Variants in ULK4 observed in about 807,000 individuals in gnomAD.
ULK4 encodes the protein inactive serine/threonine-protein kinase ULK4.
In ULK4, 133 loss-of-function variants were observed where a neutral mutation model predicts 160.6. The observed-to-expected ratio is 0.83, with a 90% CI of 0.72 to 0.96. The LOEUF is 0.96. ULK4 is among the 40% of genes least tolerant of loss of function. The pLI, the probability that ULK4 is intolerant of heterozygous loss-of-function variation, is 0.00. For missense variants in ULK4, 1,580 were observed against 1,499.5 expected, an observed-to-expected ratio of 1.05 and a Z score of -0.89; for synonymous variants, 534 against 539.8, an observed-to-expected ratio of 0.99 and a Z score of 0.15.
intron 31 of ULK4, among the ~76,000 whole-genome samples, chr3:41,571,481 G>A (rs1033179985): frequency 1.3e-5 from 2 of 152,092 alleles, no homozygotes; most frequent in African/African-American, 4.8e-5. Flanking sequence ...AGCTTACGGG[G>A]GTAAACTGTG....
intron 35 of ULK4, among the ~76,000 whole-genome samples, chr3:41,380,215 C>G (rs967378681): frequency 1.7e-4 from 26 of 151,908 alleles, no homozygotes; most frequent in African/African-American, 5.6e-4. Context: ...AAAAGACAGG[C>G]AATTCAAAAG....
chr3:41,481,465 A>G (rs1459573837), intron 32 of ULK4, among the ~76,000 whole-genome samples: 1 of 152,176 alleles, frequency 6.6e-6, no homozygotes, highest in Non-Finnish European at 1.5e-5. Flanking sequence ...AGTTAAAGGA[A>G]CAGATTAATA....
intron 22 of ULK4, among the ~76,000 whole-genome samples, chr3:41,720,878 A>G (rs2037427240): frequency 6.6e-6 from 1 of 152,172 alleles, no homozygotes; most frequent in Non-Finnish European, 1.5e-5. Flanking sequence ...GGAACAAAGT[A>G]TTCAATAGAT....
chr3:41,369,793 C>CAAAAAAA (rs555783980), intron 35 of ULK4, among the ~76,000 whole-genome samples: 1 of 98,008 alleles, frequency 1.0e-5, no homozygotes, highest in African/African-American at 3.6e-5. Context: ...GACTATGTCT[C>CAAAAAAA]AAAAAAAAAA....
intron 32 of ULK4, among the ~76,000 whole-genome samples, chr3:41,491,509 G>C (rs1041027788): frequency 8.6e-5 from 13 of 151,756 alleles, no homozygotes; most frequent in Admixed American, 5.3e-4. Flanking sequence ...ATAGAAATTA[G>C]GTACAAAAAT....
At chr3:41,534,257 T>C (rs1348174094) in intron 32 of ULK4, among the ~76,000 whole-genome samples, 1 of 152,098 alleles carries the variant, frequency 6.6e-6, no homozygotes, top group Non-Finnish European at 1.5e-5. Flanking sequence ...TGGAGACAAA[T>C]ATAACTTCTT....
intron 1 of ULK4, among the ~76,000 whole-genome samples, chr3:41,957,274 C>T (rs1237881295): frequency 6.6e-6 from 1 of 150,520 alleles, no homozygotes; most frequent in Non-Finnish European, 1.5e-5. Context: ...ACCAACATGG[C>T]AAAATCCTAT....
intron 31 of ULK4, among the ~76,000 whole-genome samples, chr3:41,598,446 G>A (rs1019732365): frequency 1.3e-5 from 2 of 152,140 alleles, no homozygotes; most frequent in Admixed American, 6.5e-5. Context: ...CAGAGCATGC[G>A]AGTAATATAT....
At chr3:41,856,559 A>ATG (rs2042353892) in intron 17 of ULK4, among the ~76,000 whole-genome samples, 2 of 43,602 alleles carry the variant, frequency 4.6e-5, no homozygotes, top group South Asian at 1.2e-3. Flanking sequence ...GTGTATATAT[A>ATG]TACACATATA....
chr3:41,697,830 A>T (rs1237135720), intron 27 of ULK4, among the ~76,000 whole-genome samples: 2 of 152,150 alleles, frequency 1.3e-5, no homozygotes, highest in African/African-American at 2.4e-5. Flanking sequence ...TTAAGTGAAC[A>T]GTGTTGATCA....
At chr3:41,661,728 T>C (rs2035175354) in intron 30 of ULK4, among the ~76,000 whole-genome samples, 1 of 152,178 alleles carries the variant, frequency 6.6e-6, no homozygotes, top group Non-Finnish European at 1.5e-5. Flanking sequence ...AAACAGTATA[T>C]TCAAATATTA....
intron 31 of ULK4, among the ~76,000 whole-genome samples, chr3:41,605,767 A>G (rs926787677): frequency 3.3e-5 from 5 of 152,040 alleles, no homozygotes; most frequent in Admixed American, 3.3e-4. Flanking sequence ...TATCTAATTG[A>G]CATTCATAGA....
chr3:41,869,314 C>A (rs1167942761), intron 17 of ULK4, among the ~76,000 whole-genome samples: 2 of 152,130 alleles, frequency 1.3e-5, no homozygotes, highest in Non-Finnish European at 2.9e-5. Context: ...ATGGCTCGTG[C>A]CTATAATCCC....
intron 22 of ULK4, among the ~76,000 whole-genome samples, chr3:41,724,520 C>T (rs865962214): frequency 4.6e-5 from 7 of 151,986 alleles, no homozygotes; most frequent in African/African-American, 1.7e-4. Context: ...GTCAGGAGAT[C>T]GAGACCATCC....
At chr3:41,938,972 G>A (rs1207211127) in intron 2 of ULK4, among the ~76,000 whole-genome samples, 1 of 151,840 alleles carries the variant, frequency 6.6e-6, no homozygotes, top group Non-Finnish European at 1.5e-5. Context: ...TAACACAATA[G>A]GTCACTAAGT....
intron 33 of ULK4, among the ~76,000 whole-genome samples, chr3:41,456,834 G>A (rs1323777184): frequency 1.3e-5 from 2 of 152,142 alleles, no homozygotes; most frequent in Admixed American, 6.5e-5. Flanking sequence ...TCTCATAAAT[G>A]CCTAGTTTCC....
intron 35 of ULK4, chr3:41,250,964 C>T (rs2078732921): frequency 6.6e-6 from 1 of 152,196 alleles, no homozygotes; most frequent in African/African-American, 2.4e-5. Context: ...AGTGAGGATT[C>T]CCACTTCATT....
chr3:41,897,181 CTCTT>C (rs1392979986), intron 14 of ULK4, among the ~76,000 whole-genome samples, 178 bp from the exon 15 acceptor site: 1 of 152,204 alleles, frequency 6.6e-6, no homozygotes, highest in Non-Finnish European at 1.5e-5. Flanking sequence ...TATTCCTAAT[CTCTT>C]TATCTATCCA....
chr3:41,391,841 T>C (rs2081963563), intron 35 of ULK4, among the ~76,000 whole-genome samples: 1 of 152,132 alleles, frequency 6.6e-6, no homozygotes, highest in Admixed American at 6.6e-5. Flanking sequence ...TTAATGCTAT[T>C]CATCTTCAGA....
Sources: allele counts gnomAD v4.1 joint callset (sites outside exome capture counted in the v4.1 genomes callset), GRCh38; gene constraint gnomAD v4.1.1; transcripts MANE v1.5; gene names NCBI Gene and HGNC (gene_info 2026-07-23, HGNC 2026-07-21).